The following CCND2 variants were observed in gnomAD, a reference collection of about 807,000 sequenced individuals.
CCND2 encodes the protein G1/S-specific cyclin-D2.
In CCND2, 6 loss-of-function variants were observed where a neutral mutation model predicts 30.2. The ratio of observed to expected loss-of-function variants is 0.20; its 90% CI spans 0.11 to 0.39. CCND2 has a LOEUF of 0.39. CCND2 is among the 10% of genes least tolerant of loss of function. The pLI is 1.00. For missense variants in CCND2, 235 were observed against 373.4 expected, an observed-to-expected ratio of 0.63 and a Z score of 3.06; for synonymous variants, 150 against 153.1, an observed-to-expected ratio of 0.98 and a Z score of 0.15.
At position 4,276,235 on chromosome 12, in the gene CCND2, C is replaced by A; in HGVS notation, c.411+15C>A. Reference sequence around the variant, plus strand: ...AGGAGCTGCTGGTAATGACCGGCCCCTTCCTCCCTTCCTTTCTGCGATTCC... The same window carrying A: ...AGGAGCTGCTGGTAATGACCGGCCCATTCCTCCCTTCCTTTCTGCGATTCC... On this transcript the variant is annotated intron_variant, in intron 2 of 4. Coordinates refer to ENST00000261254, the MANE Select transcript of CCND2 (RefSeq NM_001759.4). This position sits in a 1 kb window ranked among gnomAD's most constrained non-coding sequence, Gnocchi z 4.8. The A allele has an allele frequency of 1.2e-6, 2 of 1,603,492 alleles. No individual in the cohort carries two copies. Among genetic ancestry groups the A allele is most frequent in the Non-Finnish European group, 1.7e-6 (2 of 1,171,444 alleles).
At chr12:4,281,594 C>A (rs1233518881) in intron 3 of CCND2, among the ~76,000 whole-genome samples, 1 of 152,104 alleles carries the variant, frequency 6.6e-6, no homozygotes, top group Non-Finnish European at 1.5e-5. Context: ...ACACCTGCGG[C>A]CAGGGTCTCG....
In CCND2 at chr12:4,287,681, C is replaced by T. The variant is rs144086793; in HGVS notation, c.572-1161C>T. 3.0e-3 allele frequency among the ~76,000 whole-genome samples: 464 copies of T among 152,294 alleles called. 2 individuals are homozygous for T. The highest frequency in any genetic ancestry group is 0.01 in the African/African-American group (435 of 41,542). On this transcript the variant is annotated intron_variant, in intron 3 of 4. Transcript: ENST00000261254. The surrounding 1 kb of genome is among the most constrained non-coding windows in gnomAD (Gnocchi z 4.0). ...GTTCTCACCCATACCATTAGGGTGA[C>T]GCTCGTGTGCATCTTCTGTGGCTGA...
In CCND2 at chr12:4,303,250, G is replaced by C. The variant is rs912213669; in HGVS notation, c.*3241G>C. On this transcript the variant is annotated 3_prime_UTR_variant, in exon 5 of 5. Transcript: ENST00000261254. The surrounding 1 kb of genome is among the most constrained non-coding windows in gnomAD (Gnocchi z 4.6). Reference sequence around the variant, plus strand: ...CTTGTGTGATGATGGGTGTGGGGCTGCCGATGGGAAAGTCGGGGGTTGTTA... The same window carrying C: ...CTTGTGTGATGATGGGTGTGGGGCTCCCGATGGGAAAGTCGGGGGTTGTTA... 4.3e-6 allele frequency: 1 copy of C among 233,242 alleles called. No homozygotes were observed. The highest frequency in any genetic ancestry group is 8.5e-6 in the Non-Finnish European group (1 of 118,138). The allele number at this position is 233,242 out of a possible 1,614,324, so 14.4% of individuals were successfully genotyped here.
chr12:4,278,483 G>C (rs1405714607), intron 2 of CCND2, among the ~76,000 whole-genome samples: 1 of 152,200 alleles, frequency 6.6e-6, no homozygotes, highest in Non-Finnish European at 1.5e-5. Flanking sequence ...GGTAAGGGGA[G>C]CTGGAGTGGA....
Position 4,278,951 on chromosome 12 carries a change from G to T in CCND2, c.571+32G>T, listed in dbSNP as rs768729146. ...TGAGGCTTGAGCCGGGGAGGGAGAT[G>T]GGGGAGCTCTTTTGGGAGATGTCCG... On this transcript the variant is annotated intron_variant, in intron 3 of 4. Coordinates refer to ENST00000261254, the MANE Select transcript of CCND2 (RefSeq NM_001759.4). 4 of 1,589,324 alleles carry T rather than the reference G, an allele frequency of 2.5e-6. No individual in the cohort carries two copies. The South Asian group carries it at 3.3e-5, about 13-fold the overall frequency.
At chr12:4,295,204 G>A (rs1346454150) in intron 4 of CCND2, among the ~76,000 whole-genome samples, 1 of 152,228 alleles carries the variant, frequency 6.6e-6, no homozygotes, top group Non-Finnish European at 1.5e-5. Context: ...TCAGAGAGTA[G>A]CGTTCAACAT....
intron 3 of CCND2, among the ~76,000 whole-genome samples, chr12:4,284,673 C>A (rs1438626404): frequency 2.0e-5 from 3 of 151,990 alleles, no homozygotes; most frequent in Non-Finnish European, 4.4e-5. Context: ...CCTGAAGAGT[C>A]TTCTGAGAAG....
intron 2 of CCND2, 62 bp from the exon 3 acceptor site, chr12:4,278,698 C>G: frequency 6.3e-7 from 1 of 1,577,130 alleles, no homozygotes; most frequent in Non-Finnish European, 8.7e-7. Context: ...CCCCCAGCCC[C>G]CTACACCAGG....
chr12:4,276,139 C>G lies in CCND2; in HGVS notation c.330C>G (p.Ser110=). Residue 110 remains serine, a synonymous_variant, in exon 2 of 5, where the codon TCC becomes TCG. Transcript: ENST00000261254. This position sits in a 1 kb window ranked among gnomAD's most constrained non-coding sequence, Gnocchi z 4.8. ...GTGCTGTCTGCATGTTCCTGGCCTC[C>G]AAACTCAAAGAGACCAGCCCGCTGA... The part of the protein sequence containing the change: ...LLGAVCMFLA[S]KLKETSPLTA... 6.2e-7 allele frequency: 1 copy of G among 1,614,224 alleles called. No homozygotes were observed. Among genetic ancestry groups the G allele is most frequent in the Non-Finnish European group, 8.5e-7 (1 of 1,180,042 alleles).
intron 1 of CCND2, chr12:4,275,607 C>G (rs1863860734): frequency 6.5e-6 from 1 of 154,112 alleles, no homozygotes; most frequent in Non-Finnish European, 1.4e-5. Flanking sequence ...AGAAGTGGAC[C>G]CCCGGAGCCT....
At chr12:4,295,112 C>G (rs534575393) in intron 4 of CCND2, among the ~76,000 whole-genome samples, 39 of 152,246 alleles carry the variant, frequency 2.6e-4, no homozygotes, top group Admixed American at 4.6e-4. Flanking sequence ...AAAAGGGCCC[C>G]TGCCATGCTA....
In CCND2 at chr12:4,274,067, C is replaced by T. The variant is rs1863825137; in HGVS notation, c.27C>T (p.Asp9=). 1 of 1,612,616 alleles carries T rather than the reference C, an allele frequency of 6.2e-7. No individual in the cohort carries two copies. Among genetic ancestry groups the T allele is most frequent in the African/African-American group, 1.3e-5 (1 of 74,904 alleles). Residue 9 remains aspartate, a synonymous_variant, in exon 1 of 5, where the codon GAC becomes GAT. Coordinates refer to ENST00000261254, the MANE Select transcript of CCND2 (RefSeq NM_001759.4). The surrounding 1 kb of genome is among the most constrained non-coding windows in gnomAD (Gnocchi z 7.7). MELLCHEV[D]PVRRAVRDRN... is the part of the protein sequence containing the mutation. ...TGGAGCTGCTGTGCCACGAGGTGGA[C>T]CCGGTCCGCAGGGCCGTGCGGGACC...
chr12:4,304,978 C>CA lies in CCND2; in HGVS notation c.*4969_*4970insA, dbSNP rs1864296187. On this transcript the variant is annotated 3_prime_UTR_variant, in exon 5 of 5. Transcript: ENST00000261254. The surrounding 1 kb of genome is among the most constrained non-coding windows in gnomAD (Gnocchi z 6.2). ...CAGTTATGTAGTTTCTTGTCTTGGACTTTTTTTTTTCTTTTCTTTTTCTTT... is the reference window on the plus strand; with the variant it reads ...CAGTTATGTAGTTTCTTGTCTTGGACATTTTTTTTTTCTTTTCTTTTTCTTT... 1 of 217,042 alleles carries CA rather than the reference C, an allele frequency of 4.6e-6. No homozygotes were observed. Among genetic ancestry groups the CA allele is most frequent in the East Asian group, 6.4e-5 (1 of 15,504 alleles). 13.4% of individuals were successfully genotyped at this position (217,042 alleles called of 1,614,324 possible).
chr12:4,294,739 C>T (rs1411752229), intron 4 of CCND2, among the ~76,000 whole-genome samples: 2 of 152,216 alleles, frequency 1.3e-5, no homozygotes, highest in Non-Finnish European at 2.9e-5. Flanking sequence ...GAAACGAGGG[C>T]ATTTGGCTAT....
At chr12:4,284,368 A>T (rs932091802) in intron 3 of CCND2, among the ~76,000 whole-genome samples, 5 of 152,148 alleles carry the variant, frequency 3.3e-5, no homozygotes, top group Non-Finnish European at 7.3e-5. Flanking sequence ...TGGGATGGAG[A>T]TTCCACCTCC....
intron 3 of CCND2, among the ~76,000 whole-genome samples, chr12:4,283,779 C>T (rs546068198): frequency 1.3e-5 from 2 of 152,270 alleles, no homozygotes; most frequent in South Asian, 2.1e-4. Context: ...TTCCTTGGCT[C>T]GGGTGAACTG....
In CCND2 at chr12:4,274,022, A is replaced by AG; in HGVS notation, c.-15dup. 1 of 1,604,342 alleles carries AG rather than the reference A, an allele frequency of 6.2e-7. No individual in the cohort carries two copies. Among genetic ancestry groups the AG allele is most frequent in the Non-Finnish European group, 8.5e-7 (1 of 1,174,856 alleles). ...CCAGGCCGGGGAAAGCAGGAGGGAG[A>AG]GGGGCCGCCGGGCTGGCCATGGAGC... On this transcript the variant is annotated 5_prime_UTR_variant, in exon 1 of 5. Transcript: ENST00000261254. The surrounding 1 kb of genome is among the most constrained non-coding windows in gnomAD (Gnocchi z 7.7).
intron 3 of CCND2, 87 bp downstream of exon 3, chr12:4,279,006 A>AT (rs3217808): frequency 7.3e-7 from 1 of 1,374,892 alleles, no homozygotes; most frequent in Non-Finnish European, 9.9e-7. Context: ...AGGAACTTTC[A>AT]TTTTAGTTCA....
chr12:4,285,040 G>A lies in CCND2; in HGVS notation c.572-3802G>A, dbSNP rs1864004528. 1.3e-5 allele frequency among the ~76,000 whole-genome samples: 2 copies of A among 152,078 alleles called. No homozygotes were observed. The highest frequency in any genetic ancestry group is 4.8e-5 in the African/African-American group (2 of 41,398). On this transcript the variant is annotated intron_variant, in intron 3 of 4. Transcript: ENST00000261254. The surrounding 1 kb of genome is among the most constrained non-coding windows in gnomAD (Gnocchi z 4.1). ...GTGAGCCACTGCGCCCAGCCTTCAA[G>A]AGCCCCCTTTCTTTGAGAAGTTTCT...
Sources: gnomAD v4.1 joint callset for allele counts (sites outside exome capture counted in the v4.1 genomes callset) on GRCh38, gnomAD v4.1.1 for gene constraint, Gnocchi (gnomAD v3.1) non-coding constraint, MANE v1.5 for transcripts, NCBI Gene and HGNC (gene_info 2026-07-23, HGNC 2026-07-21) for gene names.